RNF17: variants seen among roughly 807,000 people sequenced by gnomAD.
RNF17 encodes ring finger protein 17, also known as spermatogenesis associated 23.
A neutral mutation model predicts 200.5 loss-of-function variants in RNF17; 31 were observed. The ratio of observed to expected loss-of-function variants is 0.15; its 90% CI spans 0.12 to 0.21. RNF17 has a LOEUF of 0.21. Among genes scored for constraint, RNF17 ranks in the 10% least tolerant of loss-of-function variants. The pLI is 1.00. For synonymous variants in RNF17, 606 were observed against 637.8 expected (o/e 0.95, Z 0.75); for missense variants, 1,628 against 1,905.1 (o/e 0.85, Z 2.71).
chr13:24,749,291 T>TTTTCTTTCTTTC, the RNF17 span, among the ~76,000 whole-genome samples: 36 of 99,710 alleles, frequency 3.6e-4, no homozygotes, highest in Admixed American at 5.3e-4. Flanking sequence ...GAACTTTCTT[T>TTTTCTTTCTTTC]TTTCTTTCTT....
At chr13:24,802,610 A>G (rs778570861) in intron 14 of RNF17, 39 bp downstream of exon 14, 1 of 1,514,338 alleles carries the variant, frequency 6.6e-7, no homozygotes, top group Non-Finnish European at 9.0e-7. Flanking sequence ...CTTTGAGATT[A>G]TAGCTATAAA....
intron 11 of RNF17, among the ~76,000 whole-genome samples, chr13:24,798,335 T>C (rs1438206229): frequency 1.3e-5 from 2 of 152,224 alleles, no homozygotes; most frequent in Non-Finnish European, 2.9e-5. Flanking sequence ...GGGGATTTAC[T>C]ATATTTTAAA....
intron 22 of RNF17, among the ~76,000 whole-genome samples, chr13:24,849,457 T>A (rs1236198302): frequency 1.3e-5 from 2 of 152,332 alleles, no homozygotes; most frequent in African/African-American, 4.8e-5. Context: ...TTTTTTGTTT[T>A]GTTTTGTTTT....
chr13:24,841,831 G>C (rs189739113), intron 18 of RNF17, among the ~76,000 whole-genome samples: 1 of 151,894 alleles, frequency 6.6e-6, no homozygotes, highest in East Asian at 1.9e-4. Context: ...GCGTGGTGGC[G>C]CGACAGTGTC....
chr13:24,880,325 AC>A (rs1338579851), downstream of RNF17, among the ~76,000 whole-genome samples: 1 of 151,996 alleles, frequency 6.6e-6, no homozygotes, highest in Non-Finnish European at 1.5e-5. Flanking sequence ...TGGGGAAACC[AC>A]CCCCGTGATC....
chr13:24,832,075 CAGT>C, intron 18 of RNF17, 97 bp downstream of exon 18: 2 of 831,246 alleles, frequency 2.4e-6, no homozygotes, highest in South Asian at 2.0e-5. Flanking sequence ...AGTGTGCCAT[CAGT>C]AGTGGTGGTG....
Position 24,844,151 on chromosome 13 carries a change from G to T in RNF17, c.2831+180G>T, listed in dbSNP as rs141314987. Among the ~76,000 whole-genome samples, 21 of 152,178 alleles carry T rather than the reference G, an allele frequency of 1.4e-4. No homozygotes were observed. In the East Asian group the frequency reaches 3.9e-3, roughly 28 times the overall value. On this transcript the variant is annotated intron_variant, in intron 20 of 35. Transcript: ENST00000255324. ...TCTGTTGGCTGTTTTCACTGCATTA[G>T]AATTTATTCATTCTACAAATACCTA...
At chr13:24,807,343 A>G (rs1886016421) in intron 15 of RNF17, among the ~76,000 whole-genome samples, 2 of 150,980 alleles carry the variant, frequency 1.3e-5, no homozygotes, top group Admixed American at 1.3e-4. Context: ...TTGCCATTCT[A>G]ACTGGTGTGA....
intron 11 of RNF17, among the ~76,000 whole-genome samples, chr13:24,797,575 G>A (rs562839128): frequency 3.9e-4 from 60 of 152,034 alleles, no homozygotes; most frequent in African/African-American, 7.0e-4. Flanking sequence ...CATTCTCCCC[G>A]TGTCTGTGTG....
At chr13:24,785,561 T>C (rs1882995087) in intron 6 of RNF17, among the ~76,000 whole-genome samples, 1 of 152,210 alleles carries the variant, frequency 6.6e-6, no homozygotes, top group African/African-American at 2.4e-5. Flanking sequence ...GAAAAATGTT[T>C]ATCCTCATGT....
At chr13:24,875,996 A>T (rs928153049) in intron 33 of RNF17, among the ~76,000 whole-genome samples, 4 of 152,156 alleles carry the variant, frequency 2.6e-5, no homozygotes, top group Non-Finnish European at 5.9e-5. Context: ...GTTTTACCTA[A>T]ATCATTAGGC....
At chr13:24,808,858 T>G (rs1886227926) in intron 15 of RNF17, among the ~76,000 whole-genome samples, 1 of 106,228 alleles carries the variant, frequency 9.4e-6, no homozygotes, top group Non-Finnish European at 1.9e-5. Flanking sequence ...GCATGAAGGG[T>G]TGTTGAATTT....
intron 31 of RNF17, among the ~76,000 whole-genome samples, chr13:24,869,543 G>GA (rs2138397552): frequency 6.6e-6 from 1 of 152,304 alleles, no homozygotes; most frequent in East Asian, 1.9e-4. Flanking sequence ...TTGCAATCAT[G>GA]ATGTTGGCAG....
chr13:24,796,305 T>C lies in RNF17; in HGVS notation c.1399+10T>C. ...GACATTTTGGAACTAGGTAATGAAA[T>C]ATTAGTCCAAGTTAAAATATCAAAT... On this transcript the variant is annotated intron_variant, in intron 11 of 35. Transcript: ENST00000255324. 2 of 1,558,082 alleles carry C rather than the reference T, an allele frequency of 1.3e-6. No individual in the cohort carries two copies. The highest frequency in any genetic ancestry group is 1.9e-5 in the Admixed American group (1 of 52,576).
At chr13:24,790,657 T>C (rs538555223) in intron 9 of RNF17, among the ~76,000 whole-genome samples, 1 of 152,330 alleles carries the variant, frequency 6.6e-6, no homozygotes, top group Admixed American at 6.5e-5. Flanking sequence ...TTGCTTGCAG[T>C]TCTGGCGGCT....
intron 22 of RNF17, among the ~76,000 whole-genome samples, chr13:24,845,307 A>T (rs1045537166): frequency 1.5e-4 from 23 of 152,208 alleles, no homozygotes; most frequent in Non-Finnish European, 3.4e-4. Flanking sequence ...AATATTAAAA[A>T]TTTTACTTTG....
chr13:24,764,445 A>G lies in RNF17; in HGVS notation c.130+112A>G, dbSNP rs558271926. 28 of 1,393,462 alleles carry G rather than the reference A, an allele frequency of 2.0e-5. No individual in the cohort carries two copies. The South Asian group carries it at 4.2e-4, about 21-fold the overall frequency. The allele number at this position is 1,393,462 out of a possible 1,614,324, so 86.3% of individuals were successfully genotyped here. ...GTCAGCTGCATCCAATCCTGGTGTC[A>G]CCAGAAACTGCGTCACAGGCCTCCC... On this transcript the variant is annotated intron_variant, in intron 1 of 35. Coordinates refer to ENST00000255324, the MANE Select transcript of RNF17 (RefSeq NM_031277.3).
At chr13:24,771,124 TTG>T (rs1880606168) in intron 2 of RNF17, among the ~76,000 whole-genome samples, 1 of 152,194 alleles carries the variant, frequency 6.6e-6, no homozygotes, top group African/African-American at 2.4e-5. Context: ...TCCTTTTGAA[TTG>T]TCTTTTTCCT....
intron 15 of RNF17, among the ~76,000 whole-genome samples, chr13:24,815,042 T>G (rs1347474278): frequency 6.6e-6 from 1 of 152,140 alleles, no homozygotes. Flanking sequence ...TTGGGGGCAT[T>G]TTCTCATGTA....
Sources: gnomAD v4.1 joint callset for allele counts (sites outside exome capture counted in the v4.1 genomes callset) on GRCh38, gnomAD v4.1.1 for gene constraint, MANE v1.5 for transcripts, NCBI Gene and HGNC (gene_info 2026-07-23, HGNC 2026-07-21) for gene names.